The following STARD13 variants were observed in gnomAD, a reference collection of about 807,000 sequenced individuals.
The protein encoded by STARD13 is stAR-related lipid transfer protein 13.
In STARD13, 62 loss-of-function variants were observed where a neutral mutation model predicts 106.4. That is an observed-to-expected ratio of 0.58 (90% CI 0.48 to 0.72). The LOEUF (loss-of-function observed/expected upper bound fraction) is 0.72, where lower values mean the gene tolerates loss of function less well. Ranked by LOEUF, STARD13 falls within the 30% of genes least tolerant of loss-of-function variation. The probability of loss-of-function intolerance (pLI) is 0.00; values close to 1 mark genes in which losing one functional copy is unlikely to be tolerated. For missense variants in STARD13, 1,387 were observed against 1,424.0 expected (o/e 0.97, Z 0.42); for synonymous variants, 565 against 553.0 (o/e 1.02, Z -0.31).
the STARD13 span, among the ~76,000 whole-genome samples, chr13:33,385,944 T>A: frequency 2.0e-5 from 3 of 151,730 alleles, no homozygotes; most frequent in Non-Finnish European, 4.4e-5. Context: ...TCAAATTGAG[T>A]AATAAGAGTA....
At chr13:33,132,789 G>C (rs17644137) in intron 4 of STARD13, among the ~76,000 whole-genome samples, 12,334 of 152,238 alleles carry the variant, frequency 0.081, 622 homozygotes, top group East Asian at 0.25. Flanking sequence ...TCTGATGAAA[G>C]AGTTTAGAAA....
chr13:33,145,534 ATT>A (rs35649905), intron 3 of STARD13, among the ~76,000 whole-genome samples: 2 of 151,068 alleles, frequency 1.3e-5, no homozygotes, highest in Admixed American at 6.6e-5. Context: ...ACTTTTTATA[ATT>A]TTTTTTTTGC....
At chr13:33,650,340 G>A in the STARD13 span, among the ~76,000 whole-genome samples, 2 of 149,546 alleles carry the variant, frequency 1.3e-5, no homozygotes, top group Admixed American at 6.6e-5. Context: ...ACAGGCGCCC[G>A]CCACTACGCC....
At chr13:33,545,022 C>G in the STARD13 span, among the ~76,000 whole-genome samples, 4 of 152,054 alleles carry the variant, frequency 2.6e-5, no homozygotes, top group African/African-American at 9.6e-5. Flanking sequence ...ATGGTGCGAT[C>G]TCAGCTCATC....
chr13:33,119,409 C>T (rs960665101), intron 7 of STARD13, among the ~76,000 whole-genome samples: 1 of 152,138 alleles, frequency 6.6e-6, no homozygotes, highest in Non-Finnish European at 1.5e-5. Context: ...CTGCTCATCC[C>T]CCCTATACCT....
At chr13:33,611,470 C>G in the STARD13 span, 1 of 152,250 alleles carries the variant, frequency 6.6e-6, no homozygotes, top group Non-Finnish European at 1.5e-5. Flanking sequence ...GCCAGGCTTT[C>G]AAACCTCCTA....
At chr13:33,228,759 A>C (rs1225938563) in intron 1 of STARD13, among the ~76,000 whole-genome samples, 1 of 152,228 alleles carries the variant, frequency 6.6e-6, no homozygotes, top group Non-Finnish European at 1.5e-5. Context: ...AGGCCTGTGA[A>C]GAGCTTTTTT....
At chr13:33,624,325 A>G in the STARD13 span, among the ~76,000 whole-genome samples, 3 of 152,238 alleles carry the variant, frequency 2.0e-5, no homozygotes, top group African/African-American at 7.2e-5. Context: ...ATGCATTGCT[A>G]AGATACTGAC....
intron 1 of STARD13, among the ~76,000 whole-genome samples, chr13:33,292,677 CTTCACAAATTATTTA>C: frequency 6.6e-6 from 1 of 151,680 alleles, no homozygotes; most frequent in Non-Finnish European, 1.5e-5. Context: ...TAACTGTATC[CTTCACAAATTATTTA>C]GGGAAAGTAG....
chr13:33,360,352 G>A, the STARD13 span, among the ~76,000 whole-genome samples: 2 of 151,794 alleles, frequency 1.3e-5, no homozygotes, highest in Non-Finnish European at 2.9e-5. Flanking sequence ...CTATAGGCGC[G>A]TGCCACCACT....
At chr13:33,615,638 C>G in the STARD13 span, among the ~76,000 whole-genome samples, 1 of 152,080 alleles carries the variant, frequency 6.6e-6, no homozygotes, top group African/African-American at 2.4e-5. Context: ...GCATCCTCTG[C>G]AGCATGCCAG....
At chr13:33,153,823 T>C (rs926667725) in intron 3 of STARD13, among the ~76,000 whole-genome samples, 3 of 152,224 alleles carry the variant, frequency 2.0e-5, no homozygotes, top group Admixed American at 6.5e-5. Flanking sequence ...ACAATTCTGA[T>C]TAAAGCCTAG....
At chr13:33,664,713 G>A in the STARD13 span, among the ~76,000 whole-genome samples, 1 of 152,140 alleles carries the variant, frequency 6.6e-6, no homozygotes, top group African/African-American at 2.4e-5. Flanking sequence ...TGCAACCTCC[G>A]CCTCCCAGGT....
chr13:33,261,644 A>T (rs1566104740), intron 1 of STARD13, among the ~76,000 whole-genome samples: 1 of 152,212 alleles, frequency 6.6e-6, no homozygotes, highest in Non-Finnish European at 1.5e-5. Context: ...AACCCAAAGA[A>T]CGAGACTTTC....
At chr13:33,438,621 A>G in the STARD13 span, among the ~76,000 whole-genome samples, 1 of 152,200 alleles carries the variant, frequency 6.6e-6, no homozygotes, top group Non-Finnish European at 1.5e-5. Context: ...CACTCACTAA[A>G]GACATTTTCC....
chr13:33,453,097 A>T, the STARD13 span, among the ~76,000 whole-genome samples: 1 of 152,234 alleles, frequency 6.6e-6, no homozygotes, highest in South Asian at 2.1e-4. Context: ...TTTCATAGGC[A>T]TATTTGCCTT....
chr13:33,258,872 A>G (rs1890498712), intron 1 of STARD13, among the ~76,000 whole-genome samples: 1 of 152,218 alleles, frequency 6.6e-6, no homozygotes, highest in Non-Finnish European at 1.5e-5. Flanking sequence ...ACTACAGCAC[A>G]TGAGATCTTT....
chr13:33,215,100 C>T (rs921262409), intron 1 of STARD13, among the ~76,000 whole-genome samples: 1 of 109,492 alleles, frequency 9.1e-6, no homozygotes, highest in African/African-American at 3.9e-5. Context: ...TCAGAAAATT[C>T]AGGAATAGAA....
At chr13:33,542,875 C>T in the STARD13 span, among the ~76,000 whole-genome samples, 1 of 152,214 alleles carries the variant, frequency 6.6e-6, no homozygotes, top group Non-Finnish European at 1.5e-5. Context: ...GGCACGCGCC[C>T]TTCTCTCGGA....
Sources: allele counts gnomAD v4.1 joint callset (sites outside exome capture counted in the v4.1 genomes callset), GRCh38; gene constraint gnomAD v4.1.1; transcripts MANE v1.5; gene names NCBI Gene and HGNC (gene_info 2026-07-23, HGNC 2026-07-21).